ZNF518B: variants seen among roughly 807,000 people sequenced by gnomAD.
ZNF518B encodes zinc finger protein 518B.
Under a neutral mutation model 56.3 loss-of-function variants are expected in ZNF518B, and 23 were observed. That is an observed-to-expected ratio of 0.41 (90% CI 0.29 to 0.58). ZNF518B has a LOEUF of 0.58. Ranked by LOEUF, ZNF518B falls within the 20% of genes least tolerant of loss-of-function variation. ZNF518B has a pLI of 0.32. For missense variants in ZNF518B, 1,460 were observed against 1,272.1 expected (o/e 1.15, Z -2.25); for synonymous variants, 529 against 465.9 (o/e 1.14, Z -1.74).
At position 10,443,673 on chromosome 4, in the gene ZNF518B, T is replaced by C. The variant is rs762140349; in HGVS notation, c.2656A>G (p.Ile886Val). 5.6e-6 allele frequency: 9 copies of C among 1,613,970 alleles called. No individual in the cohort carries two copies. The highest frequency in any genetic ancestry group is 2.2e-5 in the South Asian group (2 of 91,088). ...QGRLLSRSLS[I>V]SRNKTKQVHL... ...ACTTGTTTGGTTTTATTTCTACTTA[T>C]AGAAAGACTTCTGGAAAGCAGTCTC... The change falls in exon 3 of 3, where the codon ATA becomes GTA. Residue 886 changes from isoleucine (I) to valine (V), a missense_variant. Coordinates refer to ENST00000326756, the MANE Select transcript of ZNF518B (RefSeq NM_053042.3).
Position 10,444,212 on chromosome 4 carries a change from C to A in ZNF518B, c.2117G>T (p.Gly706Val). ...GAGTGACACGTTGATTTCTTGAATACCTTCAGAGGTAGCTTTTGAAGTTCC... is the reference window on the plus strand; with the variant it reads ...GAGTGACACGTTGATTTCTTGAATAACTTCAGAGGTAGCTTTTGAAGTTCC... ...SKGTSKATSEGIQEINVSLTG... is the reference protein window; with the variant it reads ...SKGTSKATSEVIQEINVSLTG... Residue 706 changes from glycine to valine, a missense_variant, in exon 3 of 3, where the codon GGT becomes GTT. By Grantham distance (109) the Gly-to-Val change is moderately radical (BLOSUM62 -3). Transcript: ENST00000326756. 4 of 1,614,202 alleles carry A rather than the reference C, an allele frequency of 2.5e-6. No homozygotes were observed. Among genetic ancestry groups the A allele is most frequent in the Non-Finnish European group, 3.4e-6 (4 of 1,180,040 alleles).
Position 10,444,552 on chromosome 4 carries a change from G to A in ZNF518B, c.1777C>T (p.His593Tyr). The A allele has an allele frequency of 6.2e-7, 1 of 1,614,094 alleles. No individual in the cohort carries two copies. ...VSTVGQISSQ[H>Y]KSEYLHINIT... ...TTTATATGTAAATACTCACTCTTAT[G>A]TTGAGAGGAAATCTGGCCTACAGTT... Residue 593 changes from histidine to tyrosine, a missense_variant, in exon 3 of 3, where the codon CAT becomes TAT. Transcript: ENST00000326756.
chr4:10,447,259 A>G (rs1012829821), intron 2 of ZNF518B, among the ~76,000 whole-genome samples: 2 of 152,224 alleles, frequency 1.3e-5, no homozygotes, highest in South Asian at 4.1e-4. Flanking sequence ...TTGGGAAAAA[A>G]GCAAGGCCAA....
Position 10,443,897 on chromosome 4 carries a change from A to G in ZNF518B, c.2432T>C (p.Val811Ala). 1 of 1,614,168 alleles carries G rather than the reference A, an allele frequency of 6.2e-7. No homozygotes were observed. Among genetic ancestry groups the G allele is most frequent in the Non-Finnish European group, 8.5e-7 (1 of 1,180,022 alleles). ...PCSERQLIKPVPFCPVRQADS... is the reference protein window; with the variant it reads ...PCSERQLIKPAPFCPVRQADS... ...CGCCTGTCTCACAGGGCAAAATGGA[A>G]CTGGTTTTATTAACTGTCTTTCACT... The change falls in exon 3 of 3, where the codon GTT becomes GCT. Residue 811 changes from valine to alanine, a missense_variant. By Grantham distance (64) the Val-to-Ala change is moderately conservative (BLOSUM62 0). Transcript: ENST00000326756.
In ZNF518B at chr4:10,444,337, C is replaced by G. The variant is rs752383265; in HGVS notation, c.1992G>C (p.Leu664=). The G allele has an allele frequency of 9.3e-6, 15 of 1,614,092 alleles. No homozygotes were observed. The highest frequency in any genetic ancestry group is 1.2e-5 in the Non-Finnish European group (14 of 1,180,046). ...SSTSKIKSIE[L]LRRKIAQLIE... ...TTAACTGAGCTATCTTTCTGCGCAA[C>G]AGTTCAATTGACTTTATTTTAGACG... Residue 664 remains leucine (L), a synonymous_variant, in exon 3 of 3, where the codon CTG becomes CTC. Transcript: ENST00000326756.
chr4:10,451,920 A>G (rs925948297), intron 2 of ZNF518B: 2 of 152,236 alleles, frequency 1.3e-5, no homozygotes, highest in African/African-American at 4.8e-5. Context: ...TTTCTGTGAT[A>G]AATGTTAATG....
At chr4:10,447,790 C>G (rs1715131924) in intron 2 of ZNF518B, among the ~76,000 whole-genome samples, 1 of 151,714 alleles carries the variant, frequency 6.6e-6, no homozygotes, top group Non-Finnish European at 1.5e-5. Flanking sequence ...GCTGGGATTA[C>G]AGGTTTGCAC....
rs201916292 is a variant in ZNF518B at position 10,443,446 on chromosome 4, C to T, written c.2883G>A (p.Lys961=). 2.5e-6 allele frequency: 4 copies of T among 1,614,138 alleles called. No individual in the cohort carries two copies. Among genetic ancestry groups the T allele is most frequent in the African/African-American group, 1.3e-5 (1 of 75,022 alleles). ...VDSPEVTNVM[K]VINKYKGNVL... ...CATTGCCTTTGTATTTATTTATTAC[C>T]TTCATCACATTGGTCACTTCTGGCG... Residue 961 remains lysine (K), a synonymous_variant, in exon 3 of 3, where the codon AAG becomes AAA. Coordinates refer to ENST00000326756, the MANE Select transcript of ZNF518B (RefSeq NM_053042.3).
At chr4:10,451,501 T>TA (rs1715310969) in intron 2 of ZNF518B, 1 of 152,224 alleles carries the variant, frequency 6.6e-6, no homozygotes, top group African/African-American at 2.4e-5. Context: ...CCCACAGAGT[T>TA]ACTGTGAGGA....
intron 2 of ZNF518B, among the ~76,000 whole-genome samples, chr4:10,447,157 T>C (rs1177629012): frequency 3.3e-5 from 5 of 152,136 alleles, no homozygotes; most frequent in African/African-American, 9.7e-5. Context: ...TGCTGTAAGG[T>C]AGTGAATGAA....
intron 2 of ZNF518B, chr4:10,454,435 G>A (rs749690249): frequency 5.9e-5 from 9 of 152,274 alleles, no homozygotes; most frequent in South Asian, 2.1e-4. Context: ...TCTAACAGAA[G>A]ATGGAGATAA....
In ZNF518B at chr4:10,444,096, A is replaced by G. The variant is rs929294954; in HGVS notation, c.2233T>C (p.Tyr745His). 8.1e-6 allele frequency: 13 copies of G among 1,614,052 alleles called. No homozygotes were observed. In the African/African-American group the frequency reaches 1.1e-4, roughly 13 times the overall value. ...GNRQLTHQQI[Y>H]PHFADGSNRK... ...TTACTGCCATCTGCAAAGTGTGGAT[A>G]TATTTGTTGATGAGTAAGCTGTCTA... The change falls in exon 3 of 3, where the codon TAT (tyrosine) becomes CAT (histidine). Residue 745 changes from tyrosine to histidine, a missense_variant. Physicochemically the swap from Tyr to His is moderately conservative, Grantham distance 83. Transcript: ENST00000326756.
chr4:10,450,701 G>T (rs949543984), intron 2 of ZNF518B, among the ~76,000 whole-genome samples: 4 of 152,146 alleles, frequency 2.6e-5, no homozygotes, highest in Non-Finnish European at 5.9e-5. Flanking sequence ...AGACACCGGA[G>T]ACAAAGCTGT....
Position 10,444,828 on chromosome 4 carries a change from C to T in ZNF518B, c.1501G>A (p.Ala501Thr). 6.2e-7 allele frequency: 1 copy of T among 1,613,976 alleles called. No individual in the cohort carries two copies. Among genetic ancestry groups the T allele is most frequent in the African/African-American group, 1.3e-5 (1 of 75,020 alleles). The change falls in exon 3 of 3, where the codon GCA (alanine) becomes ACA (threonine). Residue 501 changes from alanine (A) to threonine (T), a missense_variant. Transcript: ENST00000326756. Reference protein sequence around the residue: ...KNSVLRSLGAASNPFPYKAAV... With the variant: ...KNSVLRSLGATSNPFPYKAAV... ...GCTTTATATGGAAAAGGGTTTGATG[C>T]AGCTCCAAGACTACGTAAAACACTG...
intron 1 of ZNF518B, among the ~76,000 whole-genome samples, chr4:10,455,198 T>C (rs1715477931): frequency 6.6e-6 from 1 of 152,158 alleles, no homozygotes; most frequent in Non-Finnish European, 1.5e-5. Flanking sequence ...GGCTCAGGCA[T>C]ATGGTTTAAA....
chr4:10,454,351 T>C (rs964517238), intron 2 of ZNF518B: 1 of 152,282 alleles, frequency 6.6e-6, no homozygotes, highest in African/African-American at 2.4e-5. Flanking sequence ...GTGCCTGGCA[T>C]AGTGTGAGTA....
chr4:10,459,616 A>G (rs1027116085), upstream of ZNF518B, among the ~76,000 whole-genome samples: 2 of 152,204 alleles, frequency 1.3e-5, no homozygotes, highest in Non-Finnish European at 2.9e-5. Context: ...TGGTGTCCTT[A>G]CAAGGGACAC....
intron 2 of ZNF518B, chr4:10,454,246 CCT>C (rs1307468134): frequency 6.6e-6 from 1 of 152,166 alleles, no homozygotes; most frequent in Non-Finnish European, 1.5e-5. Flanking sequence ...CTTGCCTAGC[CCT>C]GTGACCTTGG....
chr4:10,458,317 C>G (rs1715633258), upstream of ZNF518B, among the ~76,000 whole-genome samples: 1 of 151,870 alleles, frequency 6.6e-6, no homozygotes, highest in Non-Finnish European at 1.5e-5. Flanking sequence ...GGATGAACAG[C>G]TAAAGTTTAT....
Sources: gnomAD v4.1 joint callset for allele counts (sites outside exome capture counted in the v4.1 genomes callset) on GRCh38, gnomAD v4.1.1 for gene constraint, MANE v1.5 for transcripts, NCBI Gene and HGNC (gene_info 2026-07-23, HGNC 2026-07-21) for gene names.